The following PCDHGC4 variants were observed in gnomAD, a reference collection of about 807,000 sequenced individuals.
PCDHGC4 encodes the protein protocadherin gamma subfamily C, 4, also known as protocadherin gamma-C4.
A neutral mutation model predicts 59.7 loss-of-function variants in PCDHGC4; 15 were observed. The ratio of observed to expected loss-of-function variants is 0.25; its 90% CI spans 0.17 to 0.39. The LOEUF (loss-of-function observed/expected upper bound fraction) is 0.39, where lower values mean the gene tolerates loss of function less well. Ranked by LOEUF, PCDHGC4 falls within the 10% of genes least tolerant of loss-of-function variation. The pLI is 1.00. For synonymous variants in PCDHGC4, 434 were observed against 481.4 expected (o/e 0.90, Z 1.29); for missense variants, 1,016 against 1,189.5 (o/e 0.85, Z 2.15).
rs367919924 is a variant in PCDHGC4, at chr5:141,487,711, T to A, written c.2442+96T>A. The A allele has an allele frequency of 1.1e-5, 18 of 1,586,144 alleles. No individual in the cohort carries two copies. In the African/African-American group the frequency reaches 2.1e-4, roughly 19 times the overall value. On this transcript the variant is annotated intron_variant, in intron 1 of 3. Transcript: ENST00000306593. The surrounding 1 kb of genome is among the most constrained non-coding windows in gnomAD (Gnocchi z 5.0). ...TAGAGAGTACTGGCCTCTCAGTAAG[T>A]GCCCATAGTGATGTCACCATTTTTG...
Position 141,491,898 on chromosome 5 carries a change from G to C in PCDHGC4, c.2443-2909G>C, listed in dbSNP as rs772673872. 9.0e-5 allele frequency: 129 copies of C among 1,428,816 alleles called. 1 individual carries two copies. In the Middle Eastern group the frequency reaches 2.0e-3, roughly 22 times the overall value. The allele number at this position is 1,428,816 out of a possible 1,614,324, so 88.5% of individuals were successfully genotyped here. On this transcript the variant is annotated intron_variant, in intron 1 of 3. Coordinates refer to ENST00000306593, the MANE Select transcript of PCDHGC4 (RefSeq NM_018928.3). The surrounding 1 kb of genome is among the most constrained non-coding windows in gnomAD (Gnocchi z 6.9). ...ATTAAGGGATGGGGCTCCGAGCACCGGGGGTGGTGGCGACTGTGGGCGAGG... is the reference window on the plus strand; with the variant it reads ...ATTAAGGGATGGGGCTCCGAGCACCCGGGGTGGTGGCGACTGTGGGCGAGG...
chr5:141,487,029 T>C lies in PCDHGC4; in HGVS notation c.1856T>C (p.Phe619Ser). 1.2e-6 allele frequency: 2 copies of C among 1,614,226 alleles called. No individual in the cohort carries two copies. Among genetic ancestry groups the C allele is most frequent in the Non-Finnish European group, 1.7e-6 (2 of 1,180,040 alleles). ...QLLEAPDPSL[F>S]AVSRYAGEVR... is the part of the protein sequence containing the mutation. ...CTGGAGGCCCCAGATCCCAGCCTGT[T>C]TGCAGTCTCTCGATATGCTGGGGAG... is the stretch of plus-strand genomic sequence containing the variant. Residue 619 changes from phenylalanine to serine, a missense_variant, in exon 1 of 4, where the codon TTT becomes TCT. By Grantham distance (155) the Phe-to-Ser change is radical. Coordinates refer to ENST00000306593, the MANE Select transcript of PCDHGC4 (RefSeq NM_018928.3). The surrounding 1 kb of genome is among the most constrained non-coding windows in gnomAD (Gnocchi z 5.0).
chr5:141,499,479 C>T (rs1019775735), intron 2 of PCDHGC4, among the ~76,000 whole-genome samples: 1 of 152,146 alleles, frequency 6.6e-6, no homozygotes. Context: ...AGAACCACCA[C>T]CAACTACAGT....
intron 3 of PCDHGC4, among the ~76,000 whole-genome samples, chr5:141,510,639 T>TATCA (rs998925545): frequency 1.4e-4 from 22 of 152,300 alleles, no homozygotes; most frequent in African/African-American, 4.6e-4. Context: ...TGGTTACCAT[T>TATCA]ATCATCCCCA....
intron 3 of PCDHGC4, among the ~76,000 whole-genome samples, chr5:141,505,973 G>A (rs1207489923): frequency 6.6e-6 from 1 of 152,166 alleles, no homozygotes; most frequent in Non-Finnish European, 1.5e-5. Context: ...ATCCCCAGCC[G>A]AGAGAACACC....
At chr5:141,510,860 G>A (rs1274817106) in intron 3 of PCDHGC4, 87 bp from the exon 4 acceptor site, 11 of 1,606,558 alleles carry the variant, frequency 6.8e-6, no homozygotes, top group South Asian at 4.4e-5. Context: ...GTGCTGTATA[G>A]GCATTCATTA....
chr5:141,494,807 C>A lies in PCDHGC4; in HGVS notation c.2443C>A (p.Gln815Lys), dbSNP rs568448786. Residue 815 changes from glutamine to lysine, a missense_variant and splice_region_variant, in exon 2 of 4, where the codon CAA (glutamine) becomes AAA (lysine). Coordinates refer to ENST00000306593, the MANE Select transcript of PCDHGC4 (RefSeq NM_018928.3). ...CCCTTTCCCTCTGTTTTCTCCACAGCAAGCCCCGCCCAACACGGACTGGCG... is the reference window on the plus strand; with the variant it reads ...CCCTTTCCCTCTGTTTTCTCCACAGAAAGCCCCGCCCAACACGGACTGGCG... ...PPSDLLYGLE[Q>K]APPNTDWRFS... The A allele has an allele frequency of 2.5e-5, 40 of 1,614,144 alleles. No individual in the cohort carries two copies. The South Asian group carries it at 4.0e-4, about 16-fold the overall frequency.
At position 141,490,162 on chromosome 5, in the gene PCDHGC4, A is replaced by G. The variant is rs1371128858; in HGVS notation, c.2442+2547A>G. The G allele has an allele frequency of 1.2e-6, 2 of 1,614,218 alleles. No individual in the cohort carries two copies. The highest frequency in any genetic ancestry group is 1.7e-6 in the Non-Finnish European group (2 of 1,180,028). ...TGGGGCAATCCATGTGTTGGGTCCCATAGACTTTGAGGAGTCACGTTTCTA... is the reference window on the plus strand; with the variant it reads ...TGGGGCAATCCATGTGTTGGGTCCCGTAGACTTTGAGGAGTCACGTTTCTA... On this transcript the variant is annotated intron_variant, in intron 1 of 3. Transcript: ENST00000306593. This position sits in a 1 kb window ranked among gnomAD's most constrained non-coding sequence, Gnocchi z 5.4.
chr5:141,496,081 C>A (rs976166091), intron 2 of PCDHGC4, among the ~76,000 whole-genome samples: 1 of 152,060 alleles, frequency 6.6e-6, no homozygotes, highest in Non-Finnish European at 1.5e-5. Flanking sequence ...CACAACCCCC[C>A]ACCCACCACC....
In PCDHGC4 at chr5:141,510,929, C is replaced by T. The variant is rs1238694958; in HGVS notation, c.2591-18C>T. The T allele has an allele frequency of 3.1e-6, 5 of 1,613,988 alleles. No homozygotes were observed. The highest frequency in any genetic ancestry group is 4.2e-6 in the Non-Finnish European group (5 of 1,179,988). On this transcript the variant is annotated intron_variant, in intron 3 of 3. Coordinates refer to ENST00000306593, the MANE Select transcript of PCDHGC4 (RefSeq NM_018928.3). ...ACCCTAAGTTTAGCTCCCACCTGAT[C>T]TTCCTCTGTCTCTGCAGAAGCTGCT...
rs956263164 is a variant in PCDHGC4 at position 141,511,304 on chromosome 5, C to G, written c.*131C>G. The G allele has an allele frequency of 3.3e-5, 49 of 1,490,320 alleles. No homozygotes were observed. The highest frequency in any genetic ancestry group is 4.2e-5 in the African/African-American group (3 of 71,286). The allele number at this position is 1,490,320 out of a possible 1,614,324, so 92.3% of individuals were successfully genotyped here. ...TGGTAGGGGCCAAGGCCATGCTCCC[C>G]TTGGGAAACAGAAACAAGTGCCCAG... On this transcript the variant is annotated 3_prime_UTR_variant, in exon 4 of 4. Coordinates refer to ENST00000306593, the MANE Select transcript of PCDHGC4 (RefSeq NM_018928.3).
chr5:141,494,194 G>A (rs1446357035), intron 1 of PCDHGC4, among the ~76,000 whole-genome samples: 2 of 152,182 alleles, frequency 1.3e-5, no homozygotes, highest in Non-Finnish European at 2.9e-5. Flanking sequence ...GGACTTGGAT[G>A]CCCCGCAAAG....
chr5:141,499,725 C>T (rs554409998), intron 2 of PCDHGC4, among the ~76,000 whole-genome samples: 3 of 138,474 alleles, frequency 2.2e-5, no homozygotes, highest in African/African-American at 5.4e-5. Context: ...GACAGAGTCT[C>T]ACTCTCTTGC....
At chr5:141,506,865 G>T (rs1403350484) in intron 3 of PCDHGC4, among the ~76,000 whole-genome samples, 1 of 152,186 alleles carries the variant, frequency 6.6e-6, no homozygotes, top group African/African-American at 2.4e-5. Flanking sequence ...GGACTGGTGG[G>T]TAGAGAACCA....
intron 2 of PCDHGC4, among the ~76,000 whole-genome samples, chr5:141,499,984 G>A (rs1350203006): frequency 6.6e-6 from 1 of 151,872 alleles, no homozygotes; most frequent in East Asian, 1.9e-4. Context: ...CACCTTGCCC[G>A]GCCAGATGAT....
Position 141,491,739 on chromosome 5 carries a change from C to T in PCDHGC4, c.2443-3068C>T. ...CGCCGCCCCGGGCGACCCCTGGGGG[C>T]GGCACTGGAGAAGCCGCCCGTCCTC... On this transcript the variant is annotated intron_variant, in intron 1 of 3. Transcript: ENST00000306593. This position sits in a 1 kb window ranked among gnomAD's most constrained non-coding sequence, Gnocchi z 6.9. The T allele has an allele frequency of 1.3e-6, 2 of 1,599,004 alleles. No individual in the cohort carries two copies. Among genetic ancestry groups the T allele is most frequent in the East Asian group, 2.3e-5 (1 of 44,194 alleles).
At position 141,487,030 on chromosome 5, in the gene PCDHGC4, T is replaced by C. The variant is rs773121109; in HGVS notation, c.1857T>C (p.Phe619=). Reference sequence around the variant, plus strand: ...TGGAGGCCCCAGATCCCAGCCTGTTTGCAGTCTCTCGATATGCTGGGGAGG... The same window carrying C: ...TGGAGGCCCCAGATCCCAGCCTGTTCGCAGTCTCTCGATATGCTGGGGAGG... ...QLLEAPDPSL[F]AVSRYAGEVR... The change falls in exon 1 of 4, where the codon TTT becomes TTC. Residue 619 remains phenylalanine, a synonymous_variant. Coordinates refer to ENST00000306593, the MANE Select transcript of PCDHGC4 (RefSeq NM_018928.3). The surrounding 1 kb of genome is among the most constrained non-coding windows in gnomAD (Gnocchi z 5.0). 12 of 1,614,100 alleles carry C rather than the reference T, an allele frequency of 7.4e-6. No homozygotes were observed. Among genetic ancestry groups the C allele is most frequent in the Non-Finnish European group, 1.0e-5 (12 of 1,180,044 alleles).
In PCDHGC4 at chr5:141,511,032, G is replaced by A; in HGVS notation, c.2676G>A (p.Gln892=). 1.2e-6 allele frequency: 2 copies of A among 1,614,228 alleles called. No homozygotes were observed. The highest frequency in any genetic ancestry group is 2.2e-5 in the East Asian group (1 of 44,888). The change falls in exon 4 of 4, where the codon CAG becomes CAA. Residue 892 remains glutamine, a synonymous_variant. Transcript: ENST00000306593. Reference sequence around the variant, plus strand: ...GCTACGGACCCCAGTTCACCCTGCAGCACGTGCCCGACTACCGCCAGAATG... The same window carrying A: ...GCTACGGACCCCAGTTCACCCTGCAACACGTGCCCGACTACCGCCAGAATG... ...SARYGPQFTL[Q]HVPDYRQNVY...
Position 141,485,057 on chromosome 5 carries a change from C to T in PCDHGC4, c.-117C>T. 1 of 843,720 alleles carries T rather than the reference C, an allele frequency of 1.2e-6. No individual in the cohort carries two copies. The highest frequency in any genetic ancestry group is 1.9e-6 in the Non-Finnish European group (1 of 524,586). 52.3% of individuals were successfully genotyped at this position (843,720 alleles called of 1,614,324 possible). On this transcript the variant is annotated 5_prime_UTR_variant, in exon 1 of 4. Transcript: ENST00000306593. This position sits in a 1 kb window ranked among gnomAD's most constrained non-coding sequence, Gnocchi z 5.7. The stretch of plus-strand genomic sequence containing the variant: ...GTAACCCTTGCGGCGCCGGCCGAAC[C>T]GCGCCAGAGCTGGCGCGGGGAAAGG...
Sources: allele counts gnomAD v4.1 joint callset (sites outside exome capture counted in the v4.1 genomes callset), GRCh38; gene constraint gnomAD v4.1.1; non-coding constraint Gnocchi (gnomAD v3.1); transcripts MANE v1.5; gene names NCBI Gene and HGNC (gene_info 2026-07-23, HGNC 2026-07-21).